The following GRM7 variants were observed in gnomAD, a reference collection of about 807,000 sequenced individuals.
GRM7 encodes metabotropic glutamate receptor 7.
In GRM7, 35 loss-of-function variants were observed where a neutral mutation model predicts 84.5. The ratio of observed to expected loss-of-function variants is 0.41; its 90% CI spans 0.32 to 0.55. The LOEUF is 0.55. Among genes scored for constraint, GRM7 ranks in the 20% least tolerant of loss-of-function variants. The pLI is 0.19. For synonymous variants in GRM7, 487 were observed against 455.1 expected (o/e 1.07, Z -0.89); for missense variants, 1,003 against 1,194.6 (o/e 0.84, Z 2.36).
rs200422796 is a variant in GRM7, at chr3:7,421,535, ATT to A, written c.1174+6380_1174+6381del. On this transcript the variant is annotated intron_variant, in intron 5 of 9. Coordinates refer to ENST00000357716, the MANE Select transcript of GRM7 (RefSeq NM_000844.4). ...AGGCCTGGACCTTAGTTACAAAGAG[ATT>A]TTTTTTTAAAGCCCAGGACTTGAAA... 4.6e-3 allele frequency among the ~76,000 whole-genome samples: 703 copies of A among 151,684 alleles called. 6 individuals are homozygous for A. The highest frequency in any genetic ancestry group is 0.023 in the South Asian group (108 of 4,780).
chr3:6,950,147 C>T (rs1016838500), intron 1 of GRM7, among the ~76,000 whole-genome samples: 2 of 152,132 alleles, frequency 1.3e-5, no homozygotes, highest in Non-Finnish European at 2.9e-5. Flanking sequence ...TTTAGAGTTT[C>T]CAGTTTTTCT....
At chr3:6,929,522 CT>C (rs1223585096) in intron 1 of GRM7, among the ~76,000 whole-genome samples, 1 of 151,298 alleles carries the variant, frequency 6.6e-6, no homozygotes, top group African/African-American at 2.4e-5. Context: ...GGTATGCTGT[CT>C]TTTTACTTTA....
At chr3:7,672,856 A>C (rs113728690) in intron 8 of GRM7, among the ~76,000 whole-genome samples, 1 of 151,892 alleles carries the variant, frequency 6.6e-6, no homozygotes, top group African/African-American at 2.4e-5. Context: ...CGGCCTCCCA[A>C]AGTGCTGGGA....
chr3:6,924,415 T>TG (rs1301818884), intron 1 of GRM7, among the ~76,000 whole-genome samples: 1 of 152,158 alleles, frequency 6.6e-6, no homozygotes, highest in Non-Finnish European at 1.5e-5. Context: ...GAGAATCTCT[T>TG]GGGGAACTTT....
chr3:7,306,019 G>A (rs971552320), intron 3 of GRM7, among the ~76,000 whole-genome samples: 2 of 152,060 alleles, frequency 1.3e-5, no homozygotes, highest in African/African-American at 4.8e-5. Flanking sequence ...TTCACATGGA[G>A]TTCTGTTTAT....
At chr3:7,360,247 G>A (rs1231848618) in intron 4 of GRM7, among the ~76,000 whole-genome samples, 1 of 146,464 alleles carries the variant, frequency 6.8e-6, no homozygotes, top group African/African-American at 2.6e-5. Flanking sequence ...TTATTCGCAA[G>A]CCATTTTTAT....
intron 1 of GRM7, among the ~76,000 whole-genome samples, chr3:7,134,744 G>C (rs1211891302): frequency 6.6e-6 from 1 of 152,064 alleles, no homozygotes; most frequent in African/African-American, 2.4e-5. Context: ...CCAAGAGAAA[G>C]GTACACATAT....
intron 2 of GRM7, among the ~76,000 whole-genome samples, chr3:7,274,844 A>C (rs986140544): frequency 6.6e-6 from 1 of 152,020 alleles, no homozygotes; most frequent in Non-Finnish European, 1.5e-5. Flanking sequence ...AAATTGAGGA[A>C]ATTCTCAATA....
chr3:6,942,726 T>C (rs536211672), intron 1 of GRM7, among the ~76,000 whole-genome samples: 17 of 152,248 alleles, frequency 1.1e-4, no homozygotes, highest in African/African-American at 3.8e-4. Flanking sequence ...GGGTGCCTGC[T>C]TTTATTTCTC....
At chr3:6,910,198 T>G (rs1365054498) in intron 1 of GRM7, among the ~76,000 whole-genome samples, 1 of 152,134 alleles carries the variant, frequency 6.6e-6, no homozygotes, top group East Asian at 1.9e-4. Context: ...GGTCTCACAT[T>G]GAGTAGACTC....
intron 1 of GRM7, chr3:6,892,854 G>A (rs536654085): frequency 1.3e-5 from 2 of 152,084 alleles, no homozygotes; most frequent in African/African-American, 2.4e-5. Context: ...ATCAGCTTCT[G>A]TTGTGTGGGA....
chr3:6,952,632 A>G (rs977107173), intron 1 of GRM7, among the ~76,000 whole-genome samples: 20 of 152,274 alleles, frequency 1.3e-4, no homozygotes, highest in African/African-American at 3.4e-4. Context: ...TTTGTTTCCC[A>G]TCTCTCAGGG....
intron 1 of GRM7, among the ~76,000 whole-genome samples, chr3:7,018,145 A>G (rs6776461): frequency 0.93 from 142,143 of 152,324 alleles, 66,963 homozygotes; most frequent in Non-Finnish European, 0.99. Flanking sequence ...ATTTGAATAT[A>G]TCCTTATATT....
intron 5 of GRM7, among the ~76,000 whole-genome samples, chr3:7,426,239 C>T (rs1696606288): frequency 6.6e-6 from 1 of 152,054 alleles, no homozygotes; most frequent in African/African-American, 2.4e-5. Flanking sequence ...CTTGCCTCAG[C>T]CTCCCGAGTA....
chr3:7,637,728 G>C (rs1038556394), intron 8 of GRM7, among the ~76,000 whole-genome samples: 3 of 152,184 alleles, frequency 2.0e-5, no homozygotes, highest in Admixed American at 6.5e-5. Flanking sequence ...GAACAATGGT[G>C]TTGCCCTGTC....
chr3:7,588,535 C>T (rs186878572), intron 8 of GRM7, among the ~76,000 whole-genome samples: 1 of 152,268 alleles, frequency 6.6e-6, no homozygotes, highest in African/African-American at 2.4e-5. Flanking sequence ...AATATCCCAA[C>T]TCAACAAAAG....
chr3:7,454,934 T>C (rs1003124846), intron 6 of GRM7, among the ~76,000 whole-genome samples: 9 of 152,092 alleles, frequency 5.9e-5, no homozygotes, highest in Non-Finnish European at 1.0e-4. Context: ...ATAAATACCA[T>C]TGTTAAATTA....
chr3:7,011,294 T>G (rs866577035), intron 1 of GRM7, among the ~76,000 whole-genome samples: 1 of 152,236 alleles, frequency 6.6e-6, no homozygotes, highest in Non-Finnish European at 1.5e-5. Context: ...GTGGAAACTT[T>G]ATATGTAGAA....
chr3:7,254,384 G>C (rs1559530668), intron 2 of GRM7, among the ~76,000 whole-genome samples: 1 of 152,152 alleles, frequency 6.6e-6, no homozygotes, highest in Non-Finnish European at 1.5e-5. Flanking sequence ...TATCTCTCCT[G>C]TTTACTGAAC....
Sources: allele counts gnomAD v4.1 joint callset (sites outside exome capture counted in the v4.1 genomes callset), GRCh38; gene constraint gnomAD v4.1.1; transcripts MANE v1.5; gene names NCBI Gene and HGNC (gene_info 2026-07-23, HGNC 2026-07-21).